The following NRXN3 variants were observed in gnomAD, a reference collection of about 807,000 sequenced individuals.
NRXN3 encodes neurexin 3.
In NRXN3, 32 loss-of-function variants were observed where a neutral mutation model predicts 137.6. The ratio of observed to expected loss-of-function variants is 0.23; its 90% CI spans 0.18 to 0.31. The LOEUF (loss-of-function observed/expected upper bound fraction) is 0.31, where lower values mean the gene tolerates loss of function less well. Among genes scored for constraint, NRXN3 ranks in the 10% least tolerant of loss-of-function variants. The pLI is 1.00. For synonymous variants in NRXN3, 798 were observed against 784.5 expected, an observed-to-expected ratio of 1.02 and a Z score of -0.29; for missense variants, 1,574 against 2,062.5, an observed-to-expected ratio of 0.76 and a Z score of 4.59.
At chr14:79,590,842 A>T (rs2097796976) in intron 16 of NRXN3, among the ~76,000 whole-genome samples, 1 of 152,168 alleles carries the variant, frequency 6.6e-6, no homozygotes, top group African/African-American at 2.4e-5. Flanking sequence ...CTGCTTTTGC[A>T]TCAAATTTCA....
intron 1 of NRXN3, among the ~76,000 whole-genome samples, chr14:78,201,275 C>A (rs1380663191): frequency 6.6e-6 from 1 of 152,222 alleles, no homozygotes; most frequent in African/African-American, 2.4e-5. Flanking sequence ...GGCTCCCTGA[C>A]TTTGTACAGC....
chr14:78,939,303 A>C (rs1213937438), intron 10 of NRXN3, among the ~76,000 whole-genome samples: 1 of 152,244 alleles, frequency 6.6e-6, no homozygotes, highest in Admixed American at 6.5e-5. Context: ...TAAATTGTTT[A>C]TTAAATCAAT....
chr14:79,288,602 C>T (rs961253725), intron 15 of NRXN3, among the ~76,000 whole-genome samples: 1 of 152,126 alleles, frequency 6.6e-6, no homozygotes, highest in Non-Finnish European at 1.5e-5. Context: ...GTGTTAAAGC[C>T]AGGATTCAAA....
chr14:79,392,969 CAAAAAA>C (rs3036678), intron 15 of NRXN3, among the ~76,000 whole-genome samples: 2 of 60,696 alleles, frequency 3.3e-5, no homozygotes, highest in African/African-American at 7.2e-5. Flanking sequence ...GGCTCCATCT[CAAAAAA>C]AAAAAAAAAA....
intron 1 of NRXN3, among the ~76,000 whole-genome samples, chr14:78,214,501 G>A (rs796415493): frequency 1.3e-5 from 2 of 152,046 alleles, no homozygotes; most frequent in African/African-American, 4.8e-5. Flanking sequence ...AAGGGCAGGG[G>A]CTACCTCTGT....
intron 10 of NRXN3, among the ~76,000 whole-genome samples, chr14:78,896,962 A>G (rs1449024066): frequency 6.6e-6 from 1 of 151,922 alleles, no homozygotes; most frequent in Non-Finnish European, 1.5e-5. Context: ...TTGGCAAACT[A>G]TGATTTGTGG....
chr14:78,699,252 G>A (rs1024713842), intron 6 of NRXN3, among the ~76,000 whole-genome samples: 1 of 152,262 alleles, frequency 6.6e-6, no homozygotes, highest in East Asian at 1.9e-4. Flanking sequence ...AAGAGGTGAT[G>A]CCTAAACTGT....
chr14:78,961,051 C>A (rs2099407256), intron 11 of NRXN3, among the ~76,000 whole-genome samples: 1 of 139,166 alleles, frequency 7.2e-6, no homozygotes. Context: ...ACTTTTTTTA[C>A]TGAAGTATTT....
At chr14:78,252,056 C>T (rs1402709245) in intron 2 of NRXN3, among the ~76,000 whole-genome samples, 1 of 152,116 alleles carries the variant, frequency 6.6e-6, no homozygotes, top group African/African-American at 2.4e-5. Context: ...TATTTAAAAA[C>T]AATACGGGAC....
intron 15 of NRXN3, among the ~76,000 whole-genome samples, chr14:79,075,914 C>T (rs1035456781): frequency 3.3e-5 from 5 of 152,116 alleles, no homozygotes; most frequent in African/African-American, 1.2e-4. Flanking sequence ...GGCCGTTTGC[C>T]CAATTAAGCC....
chr14:79,592,578 C>T (rs2097816831), intron 16 of NRXN3, among the ~76,000 whole-genome samples: 1 of 147,284 alleles, frequency 6.8e-6, no homozygotes, highest in African/African-American at 2.7e-5. Context: ...TGAAGCCCAT[C>T]AATTTCTACT....
At chr14:78,682,088 G>A (rs921094299) in intron 6 of NRXN3, among the ~76,000 whole-genome samples, 5 of 151,972 alleles carry the variant, frequency 3.3e-5, no homozygotes, top group African/African-American at 1.2e-4. Context: ...GGATGATCTC[G>A]ATCTCTTGAC....
chr14:79,521,806 C>T (rs928258509), intron 16 of NRXN3, among the ~76,000 whole-genome samples: 1 of 152,172 alleles, frequency 6.6e-6, no homozygotes, highest in African/African-American at 2.4e-5. Flanking sequence ...TCTGTGCTTA[C>T]CTTCAATTTC....
At chr14:78,342,594 A>G (rs984826130) in intron 4 of NRXN3, among the ~76,000 whole-genome samples, 5 of 152,196 alleles carry the variant, frequency 3.3e-5, no homozygotes, top group African/African-American at 1.2e-4. Context: ...TCTCAATTTT[A>G]CAGACAATTA....
chr14:79,256,588 C>T (rs969452742), intron 15 of NRXN3, among the ~76,000 whole-genome samples: 13 of 152,148 alleles, frequency 8.5e-5, no homozygotes, highest in African/African-American at 3.1e-4. Context: ...TCTTTAGGGA[C>T]TTGGGCTTTC....
At chr14:79,753,435 T>C (rs1271517621) in intron 19 of NRXN3, among the ~76,000 whole-genome samples, 4 of 150,994 alleles carry the variant, frequency 2.6e-5, no homozygotes, top group African/African-American at 9.7e-5. Flanking sequence ...ATGGATGAAA[T>C]TGGAAATCAT....
intron 15 of NRXN3, among the ~76,000 whole-genome samples, chr14:79,385,361 C>T (rs2094583270): frequency 6.6e-6 from 1 of 151,676 alleles, no homozygotes; most frequent in Non-Finnish European, 1.5e-5. Flanking sequence ...TTTCCAATTT[C>T]ATCCATGTCC....
rs5809943 is a variant in NRXN3, at chr14:79,563,663, T to TAA, written c.3444+96276_3444+96277dup. Among the ~76,000 whole-genome samples the TAA allele has an allele frequency of 0.015, 2,129 of 142,194 alleles. 131 individuals are homozygous for TAA. The East Asian group carries it at 0.22, about 15-fold the overall frequency. The allele number at this position is 142,194 out of a possible 152,430, so 93.3% of individuals were successfully genotyped here. A position where few individuals can be genotyped will look rare whatever the true frequency, so the allele number is the denominator to read the frequency against. ...GGGATGAGCTTCCCACAAATAATGTTAAAAAAAAAAAAAAAAGGAGAAAGC... is the reference window on the plus strand; with the variant it reads ...GGGATGAGCTTCCCACAAATAATGTTAAAAAAAAAAAAAAAAAAGGAGAAAGC... On this transcript the variant is annotated intron_variant, in intron 16 of 20. Transcript: ENST00000335750.
chr14:78,958,606 C>T (rs1184259), intron 11 of NRXN3, among the ~76,000 whole-genome samples: 152,148 of 152,294 alleles, frequency 1, 76,001 homozygotes, highest in Middle Eastern at 1. Flanking sequence ...CCACCCGCCT[C>T]GGCCTCCCAA....
Sources: allele counts gnomAD v4.1 joint callset (sites outside exome capture counted in the v4.1 genomes callset), GRCh38; gene constraint gnomAD v4.1.1; transcripts MANE v1.5; gene names NCBI Gene and HGNC (gene_info 2026-07-23, HGNC 2026-07-21).